ZNF676: variants seen among roughly 807,000 people sequenced by gnomAD.
The protein encoded by ZNF676 is zinc finger protein 676.
ZNF676 carries 4 observed loss-of-function variants against 6.0 expected under a neutral mutation model. The observed-to-expected ratio is 0.67, with a 90% CI of 0.33 to 1.53. The LOEUF (loss-of-function observed/expected upper bound fraction) is 1.53. ZNF676 is among the 40% of genes most tolerant of loss of function. ZNF676 has a pLI of 0.06. For missense variants in ZNF676, 644 were observed against 679.7 expected, an observed-to-expected ratio of 0.95 and a Z score of 0.58; for synonymous variants, 198 against 223.1, an observed-to-expected ratio of 0.89 and a Z score of 1.00.
In ZNF676 at chr19:22,185,776, G is replaced by C. The variant is rs796771961; in HGVS notation, c.131-4190C>G. On this transcript the variant is annotated intron_variant, in intron 2 of 2. Coordinates refer to ENST00000397121, the MANE Select transcript of ZNF676 (RefSeq NM_001001411.3). ...GCTGAATCGATAATGCAGAAGAAAG[G>C]ATATCAGAGATTGAAGATCAGCTTA... Among the ~76,000 whole-genome samples, 6 of 152,196 alleles carry C rather than the reference G, an allele frequency of 3.9e-5. No individual in the cohort carries two copies. In the South Asian group the frequency reaches 1.2e-3, roughly 32 times the overall value.
chr19:22,253,485 CATATATATATGAT>C, the ZNF676 span, among the ~76,000 whole-genome samples: 1 of 119,560 alleles, frequency 8.4e-6, no homozygotes, highest in Non-Finnish European at 1.7e-5. Flanking sequence ...TGATAATTTG[CATATATATATGAT>C]AATGTGTATA....
intron 1 of ZNF676, among the ~76,000 whole-genome samples, chr19:22,210,289 C>G (rs1390917667): frequency 6.6e-6 from 1 of 152,136 alleles, no homozygotes. Context: ...CACCCAGAGT[C>G]AGCACAGACC....
Position 22,181,317 on chromosome 19 carries a change from T to G in ZNF676, c.400A>C (p.Arg134=), listed in dbSNP as rs769133073. The G allele has an allele frequency of 6.2e-7, 1 of 1,613,790 alleles. No individual in the cohort carries two copies. The highest frequency in any genetic ancestry group is 1.1e-5 in the South Asian group (1 of 91,070). Reference sequence around the variant, plus strand: ...TTCAAACCTTTCTCTCCAGTATGCCTTATCTTATGTCTGTTTGAATTTGAA... The same window carrying G: ...TTCAAACCTTTCTCTCCAGTATGCCGTATCTTATGTCTGTTTGAATTTGAA... The part of the protein sequence containing the change: ...KCSNSNRHKI[R]HTGEKGLKCK... The change falls in exon 3 of 3, where the codon AGG becomes CGG. Residue 134 remains arginine, a synonymous_variant. Coordinates refer to ENST00000397121, the MANE Select transcript of ZNF676 (RefSeq NM_001001411.3).
Position 22,196,596 on chromosome 19 carries a change from T to C in ZNF676, c.34+4A>G, listed in dbSNP as rs1167349470. The C allele has an allele frequency of 6.2e-7, 1 of 1,613,672 alleles. No individual in the cohort carries two copies. Among genetic ancestry groups the C allele is most frequent in the Admixed American group, 1.7e-5 (1 of 60,008 alleles). On this transcript the variant is annotated splice_donor_region_variant and intron_variant, in intron 1 of 2. Coordinates refer to ENST00000397121, the MANE Select transcript of ZNF676 (RefSeq NM_001001411.3). ...TAGGAATTGCGTATTAAAGTTATTC[T>C]CACCCAGGAAGACCAGGTTTCTGTA...
At chr19:22,248,508 A>T in the ZNF676 span, among the ~76,000 whole-genome samples, 1 of 152,222 alleles carries the variant, frequency 6.6e-6, no homozygotes, top group South Asian at 2.1e-4. Context: ...AGAAAGGGGG[A>T]AACTTGAGAG....
upstream of ZNF676, among the ~76,000 whole-genome samples, chr19:22,218,357 C>T (rs1435140945): frequency 6.6e-6 from 1 of 151,854 alleles, no homozygotes; most frequent in Non-Finnish European, 1.5e-5. Context: ...TTTTTTGAGA[C>T]GGAGTCTCGC....
At chr19:22,225,012 A>G in the ZNF676 span, among the ~76,000 whole-genome samples, 1 of 152,012 alleles carries the variant, frequency 6.6e-6, no homozygotes, top group Non-Finnish European at 1.5e-5. Context: ...AAAGCTGTGG[A>G]TTTCAGGCAT....
chr19:22,211,277 T>A (rs1460282495), intron 1 of ZNF676, among the ~76,000 whole-genome samples: 2 of 152,156 alleles, frequency 1.3e-5, no homozygotes, highest in South Asian at 4.1e-4. Context: ...TATAGAGGCT[T>A]CTTCCATGGC....
upstream of ZNF676, among the ~76,000 whole-genome samples, chr19:22,219,260 G>A (rs933969137): frequency 3.3e-5 from 5 of 151,598 alleles, no homozygotes; most frequent in Non-Finnish European, 5.9e-5. Context: ...CACTGCAACC[G>A]GCTAATTTTT....
chr19:22,195,804 G>A (rs12609473), intron 1 of ZNF676, among the ~76,000 whole-genome samples: 103,096 of 152,036 alleles, frequency 0.68, 35,298 homozygotes, highest in South Asian at 0.84. Context: ...GCCCATTTGC[G>A]GGGAGCTTTC....
upstream of ZNF676, among the ~76,000 whole-genome samples, chr19:22,218,500 ATTT>A (rs142770128): frequency 7.3e-6 from 1 of 136,146 alleles, no homozygotes. Context: ...ACCCAGCTAA[ATTT>A]TTTTTTTTTT....
chr19:22,251,088 C>T, the ZNF676 span, among the ~76,000 whole-genome samples: 2 of 152,158 alleles, frequency 1.3e-5, no homozygotes, highest in East Asian at 1.9e-4. Flanking sequence ...TCACCCAACT[C>T]ACAGGTATCT....
Position 22,181,587 on chromosome 19 carries a change from C to T in ZNF676, c.131-1G>A, listed in dbSNP as rs184813715. On this transcript the variant is annotated splice_acceptor_variant, in intron 2 of 2. Transcript: ENST00000397121. LOFTEE classifies it high-confidence loss of function. ...TCTTGGGAAAAATGAGAACATATAA[C>T]TGAAAAGAAATAAAAATAACAAATT... 2,884 of 1,535,300 alleles carry T rather than the reference C, an allele frequency of 1.9e-3. 9 individuals are homozygous for T. Among genetic ancestry groups the T allele is most frequent in the Middle Eastern group, 4.4e-3 (25 of 5,706 alleles).
At position 22,180,313 on chromosome 19, in the gene ZNF676, CTT is replaced by C. The variant is rs2023715994; in HGVS notation, c.1402_1403del (p.Lys468GlufsTer12). ...FTWSSSFTKH[K>X]RIHAAEKPYK... ...AAGGTTTCTCTGCAGCATGAATTCTCTTGTGTTTAGTAAAGCTTGAGGACCAG... is the reference window on the plus strand; with the variant it reads ...AAGGTTTCTCTGCAGCATGAATTCTCGTGTTTAGTAAAGCTTGAGGACCAG... On this transcript the variant is annotated frameshift_variant, in exon 3 of 3. Transcript: ENST00000397121. LOFTEE classifies it low-confidence loss of function (END_TRUNC). 6.2e-7 allele frequency: 1 copy of C among 1,612,704 alleles called. No homozygotes were observed. The highest frequency in any genetic ancestry group is 8.5e-7 in the Non-Finnish European group (1 of 1,178,858).
rs142362470 is a variant in ZNF676 at position 22,202,930 on chromosome 19, A to G, written c.4-6204T>C. On this transcript the variant is annotated intron_variant, in intron 1 of 3. Coordinates refer to the ZNF676 transcript ENST00000650058. ...TGATTCGGGTGCTATCTTTTTGGCT[A>G]TTTACATTTTAAAGCAATAGCTCTC... Among the ~76,000 whole-genome samples, 29 of 152,150 alleles carry G rather than the reference A, an allele frequency of 1.9e-4. 1 individual carries two copies. Among genetic ancestry groups the G allele is most frequent in the South Asian group, 1.9e-3 (9 of 4,820 alleles).
the ZNF676 span, among the ~76,000 whole-genome samples, chr19:22,223,279 C>G: frequency 6.6e-6 from 1 of 152,186 alleles, no homozygotes; most frequent in East Asian, 1.9e-4. Flanking sequence ...CAGAGTTTCA[C>G]AACTCCGTCC....
the ZNF676 span, among the ~76,000 whole-genome samples, chr19:22,240,443 G>A: frequency 1.3e-5 from 2 of 151,924 alleles, no homozygotes; most frequent in East Asian, 1.9e-4. Flanking sequence ...CCAGGCAGGA[G>A]ACTCACATCA....
chr19:22,193,397 C>G (rs572432915), intron 1 of ZNF676, among the ~76,000 whole-genome samples: 14 of 152,044 alleles, frequency 9.2e-5, no homozygotes, highest in African/African-American at 3.1e-4. Context: ...AAAACTGGAA[C>G]AGAGTAGGAG....
intron 2 of ZNF676, among the ~76,000 whole-genome samples, chr19:22,183,064 A>G (rs1332556339): frequency 6.6e-6 from 1 of 152,086 alleles, no homozygotes; most frequent in Non-Finnish European, 1.5e-5. Context: ...TCACCTGATT[A>G]AAATATATTG....
Sources: allele counts gnomAD v4.1 joint callset (sites outside exome capture counted in the v4.1 genomes callset), GRCh38; gene constraint gnomAD v4.1.1; transcripts MANE v1.5; gene names NCBI Gene and HGNC (gene_info 2026-07-23, HGNC 2026-07-21).